Variants in ST3GAL6 observed in about 807,000 individuals in gnomAD.
ST3GAL6 encodes type 2 lactosamine alpha-2,3-sialyltransferase.
In ST3GAL6, 31 loss-of-function variants were observed where a neutral mutation model predicts 40.5. The observed-to-expected ratio is 0.77, with a 90% CI of 0.58 to 1.03. ST3GAL6 has a LOEUF of 1.03. Ranked by LOEUF, ST3GAL6 falls within the 50% of genes least tolerant of loss-of-function variation. The pLI is 0.00. For missense variants in ST3GAL6, 357 were observed against 393.2 expected (o/e 0.91, Z 0.78); for synonymous variants, 129 against 136.9 (o/e 0.94, Z 0.40).
chr3:98,758,759 A>G (rs1296620764), upstream of ST3GAL6, among the ~76,000 whole-genome samples: 3 of 152,218 alleles, frequency 2.0e-5, no homozygotes, highest in Non-Finnish European at 4.4e-5. Flanking sequence ...CTAAGTTTTT[A>G]GGGAGGGCTT....
intron 6 of ST3GAL6, among the ~76,000 whole-genome samples, chr3:98,786,730 A>G (rs1392681146): frequency 3.3e-5 from 5 of 150,640 alleles, no homozygotes; most frequent in Non-Finnish European, 5.9e-5. Context: ...TGGAGGCACT[A>G]TAGTACATTG....
At chr3:98,751,399 T>C (rs1351110203) in intron 1 of ST3GAL6, among the ~76,000 whole-genome samples, 1 of 152,218 alleles carries the variant, frequency 6.6e-6, no homozygotes, top group African/African-American at 2.4e-5. Context: ...TGTCTCATGG[T>C]GAAGACTTCT....
At chr3:98,763,238 G>A (rs1391316229), upstream of ST3GAL6, 1 of 1,232,290 alleles carries the variant, frequency 8.1e-7, no homozygotes, top group Non-Finnish European at 1.0e-6. Context: ...GTAGGCATGT[G>A]ACTGCAGATT....
At chr3:98,754,578 CTG>C (rs1291561901) in intron 1 of ST3GAL6, among the ~76,000 whole-genome samples, 6 of 152,204 alleles carry the variant, frequency 3.9e-5, no homozygotes, top group Non-Finnish European at 8.8e-5. Flanking sequence ...AGAGGATTGA[CTG>C]TAATTTTGAA....
upstream of ST3GAL6, among the ~76,000 whole-genome samples, chr3:98,761,232 C>T (rs1400029665): frequency 5.9e-5 from 9 of 151,950 alleles, no homozygotes; most frequent in Admixed American, 5.9e-4. Flanking sequence ...ATTACTTGAG[C>T]CCAGAAGTTA....
chr3:98,770,095 T>G (rs775713445), intron 2 of ST3GAL6, among the ~76,000 whole-genome samples: 3 of 152,208 alleles, frequency 2.0e-5, no homozygotes, highest in Non-Finnish European at 2.9e-5. Context: ...GTTTAGGGTA[T>G]TTCCTTCATT....
chr3:98,764,196 C>T (rs995132442), intron 1 of ST3GAL6, among the ~76,000 whole-genome samples: 1 of 152,142 alleles, frequency 6.6e-6, no homozygotes, highest in Non-Finnish European at 1.5e-5. Context: ...ATTACTTTTG[C>T]ACTAACCTAA....
intron 5 of ST3GAL6, among the ~76,000 whole-genome samples, 200 bp downstream of exon 5, chr3:98,774,183 T>G (rs1298444957): frequency 6.6e-6 from 1 of 152,198 alleles, no homozygotes; most frequent in Non-Finnish European, 1.5e-5. Flanking sequence ...GGCTCAAAAG[T>G]TTGCAGAATC....
chr3:98,748,568 G>A (rs1295456688), intron 1 of ST3GAL6, among the ~76,000 whole-genome samples: 15 of 152,282 alleles, frequency 9.9e-5, no homozygotes, highest in Admixed American at 8.5e-4. Flanking sequence ...GGGTTTAAGC[G>A]TTTCTCTTGC....
At position 98,788,115 on chromosome 3, in the gene ST3GAL6, G is replaced by T. The variant is rs1940896860; in HGVS notation, c.511G>T (p.Val171Phe). Residue 171 changes from valine (V) to phenylalanine (F), a missense_variant, in exon 7 of 10, where the codon GTT (valine) becomes TTT (phenylalanine). Val to Phe is a conservative substitution (Grantham distance 50). Transcript: ENST00000483910. Reference sequence around the variant, plus strand: ...CTTCCGACTTTTTTATCCAGAATCTGTTTTTTCAGATCCTATTCACAATGA... The same window carrying T: ...CTTCCGACTTTTTTATCCAGAATCTTTTTTTTCAGATCCTATTCACAATGA... Reference protein sequence around the residue: ...TTFRLFYPESVFSDPIHNDPN... With the variant: ...TTFRLFYPESFFSDPIHNDPN... The T allele has an allele frequency of 1.2e-6, 2 of 1,613,868 alleles. No homozygotes were observed. The highest frequency in any genetic ancestry group is 1.3e-5 in the African/African-American group (1 of 74,914).
intron 1 of ST3GAL6, 66 bp downstream of exon 1, chr3:98,763,505 A>G: frequency 7.8e-7 from 1 of 1,274,544 alleles, no homozygotes; most frequent in Non-Finnish European, 1.0e-6. Flanking sequence ...TGCTGCTGAG[A>G]TATTAGACAT....
At chr3:98,793,588 A>ATT (rs201088391) in intron 9 of ST3GAL6, 87 bp from the exon 10 acceptor site, 1 of 774,562 alleles carries the variant, frequency 1.3e-6, no homozygotes, top group Admixed American at 3.0e-5. Context: ...CTTTATTCGG[A>ATT]TTTTTTTAGA....
chr3:98,761,534 C>T (rs1009895767), upstream of ST3GAL6, among the ~76,000 whole-genome samples: 3 of 150,674 alleles, frequency 2.0e-5, no homozygotes, highest in Non-Finnish European at 4.4e-5. Flanking sequence ...TGCTTGAACC[C>T]GGGTGGTGGA....
intron 1 of ST3GAL6, among the ~76,000 whole-genome samples, chr3:98,767,944 T>C (rs1024179803): frequency 1.3e-5 from 2 of 152,154 alleles, no homozygotes; most frequent in Admixed American, 1.3e-4. Context: ...AGTTAAAAAT[T>C]AGAAAATGAC....
At chr3:98,767,673 C>T (rs537732350) in intron 1 of ST3GAL6, among the ~76,000 whole-genome samples, 1 of 152,136 alleles carries the variant, frequency 6.6e-6, no homozygotes, top group South Asian at 2.1e-4. Context: ...TCCTTTGAAG[C>T]AAAAGAGAAA....
At chr3:98,752,633 G>A (rs56838642) in intron 1 of ST3GAL6, among the ~76,000 whole-genome samples, 129 of 152,102 alleles carry the variant, frequency 8.5e-4, no homozygotes, top group African/African-American at 3.1e-3. Flanking sequence ...CACCATGCCT[G>A]GCTAATTTTT....
At chr3:98,737,691 T>C (rs940017860) in intron 1 of ST3GAL6, among the ~76,000 whole-genome samples, 1 of 152,182 alleles carries the variant, frequency 6.6e-6, no homozygotes, top group African/African-American at 2.4e-5. Flanking sequence ...AACAACTAAA[T>C]TATGGCTTTT....
At chr3:98,788,601 G>A in intron 8 of ST3GAL6, 138 bp downstream of exon 8, 2 of 706,814 alleles carry the variant, frequency 2.8e-6, no homozygotes, top group East Asian at 2.9e-5. Flanking sequence ...GTTAGTAAAA[G>A]TAGTTATCTA....
At chr3:98,780,048 T>C (rs1201928829) in intron 5 of ST3GAL6, among the ~76,000 whole-genome samples, 1 of 152,188 alleles carries the variant, frequency 6.6e-6, no homozygotes, top group African/African-American at 2.4e-5. Context: ...CAAAGGACAC[T>C]GAAAGTCATT....
Sources: allele counts gnomAD v4.1 joint callset (sites outside exome capture counted in the v4.1 genomes callset), GRCh38; gene constraint gnomAD v4.1.1; transcripts MANE v1.5; gene names NCBI Gene and HGNC (gene_info 2026-07-23, HGNC 2026-07-21).